HPSE2: variants seen among roughly 807,000 people sequenced by gnomAD.
The protein encoded by HPSE2 is heparanase 2 (inactive), also known as inactive heparanase-2.
HPSE2 carries 38 observed loss-of-function variants against 60.5 expected under a neutral mutation model. The ratio of observed to expected loss-of-function variants is 0.63; its 90% CI spans 0.48 to 0.82. The LOEUF (loss-of-function observed/expected upper bound fraction) is 0.82, where lower values mean the gene tolerates loss of function less well. Among genes scored for constraint, HPSE2 ranks in the 40% least tolerant of loss-of-function variants. HPSE2 has a pLI of 0.00. For missense variants in HPSE2, 713 were observed against 740.4 expected (o/e 0.96, Z 0.43); for synonymous variants, 295 against 293.2 (o/e 1.01, Z -0.06).
At chr10:98,977,943 A>C (rs1252247623) in intron 3 of HPSE2, among the ~76,000 whole-genome samples, 1 of 109,814 alleles carries the variant, frequency 9.1e-6, no homozygotes, top group Admixed American at 9.2e-5. Flanking sequence ...CATATATTTT[A>C]TATACCCATG....
chr10:99,013,116 C>T (rs1474657761), intron 3 of HPSE2: 11 of 659,828 alleles, frequency 1.7e-5, no homozygotes, highest in Middle Eastern at 9.0e-4. Flanking sequence ...AATCTTAAGT[C>T]GTGACATTAA....
intron 9 of HPSE2, among the ~76,000 whole-genome samples, chr10:98,584,724 C>T (rs10883142): frequency 0.55 from 84,291 of 152,010 alleles, 23,594 homozygotes; most frequent in Admixed American, 0.6. Context: ...TAAGATGCTA[C>T]CAAGAGTCTG....
intron 3 of HPSE2, among the ~76,000 whole-genome samples, chr10:98,798,424 A>C (rs973344156): frequency 6.6e-6 from 1 of 152,214 alleles, no homozygotes; most frequent in African/African-American, 2.4e-5. Flanking sequence ...ACACATGAAA[A>C]CATAGCATAT....
At chr10:99,160,898 CAAAAAAAAA>C (rs60506210) in intron 2 of HPSE2, among the ~76,000 whole-genome samples, 1 of 55,424 alleles carries the variant, frequency 1.8e-5, no homozygotes, top group Non-Finnish European at 3.0e-5. Context: ...GACTCCGTCT[CAAAAAAAAA>C]AAAAAAAAAA....
At chr10:98,512,457 T>G (rs903241025) in intron 9 of HPSE2, among the ~76,000 whole-genome samples, 1 of 151,762 alleles carries the variant, frequency 6.6e-6, no homozygotes, top group African/African-American at 2.4e-5. Flanking sequence ...TGGTAGCGGG[T>G]GCCTGTAGTC....
At chr10:99,024,699 G>A (rs1006844606) in intron 3 of HPSE2, among the ~76,000 whole-genome samples, 5 of 151,868 alleles carry the variant, frequency 3.3e-5, no homozygotes, top group African/African-American at 9.7e-5. Flanking sequence ...AATAATATAC[G>A]ACATGTCTAA....
At chr10:98,638,291 A>G (rs888946160) in intron 7 of HPSE2, among the ~76,000 whole-genome samples, 1 of 151,206 alleles carries the variant, frequency 6.6e-6, no homozygotes, top group African/African-American at 2.4e-5. Flanking sequence ...TAAAAATACA[A>G]AAAATCAGCC....
At chr10:99,180,435 T>C (rs1171616136) in intron 2 of HPSE2, among the ~76,000 whole-genome samples, 1 of 151,726 alleles carries the variant, frequency 6.6e-6, no homozygotes, top group African/African-American at 2.4e-5. Context: ...CATCAAACAG[T>C]GGGTGAAGGA....
intron 2 of HPSE2, among the ~76,000 whole-genome samples, chr10:99,227,802 T>C (rs1445217682): frequency 6.7e-6 from 1 of 148,530 alleles, no homozygotes; most frequent in Non-Finnish European, 1.5e-5. Context: ...AAAGGTAAAA[T>C]ATATATATAT....
the HPSE2 span, among the ~76,000 whole-genome samples, chr10:99,265,416 C>T: frequency 6.6e-6 from 1 of 152,122 alleles, no homozygotes; most frequent in Non-Finnish European, 1.5e-5. Flanking sequence ...AGGGAAATGA[C>T]ACACATTGGG....
intron 1 of HPSE2, among the ~76,000 whole-genome samples, chr10:99,235,126 A>ACC (rs1564913384): frequency 6.6e-6 from 1 of 151,310 alleles, no homozygotes; most frequent in Non-Finnish European, 1.5e-5. Context: ...ACACACACAC[A>ACC]CATACCCATT....
intron 5 of HPSE2, among the ~76,000 whole-genome samples, chr10:98,698,574 A>T (rs1470367238): frequency 6.6e-6 from 1 of 152,176 alleles, no homozygotes; most frequent in Non-Finnish European, 1.5e-5. Flanking sequence ...CATCCCAATT[A>T]AAAGAACTAG....
At chr10:98,809,239 T>C (rs2134562453) in intron 3 of HPSE2, among the ~76,000 whole-genome samples, 1 of 152,262 alleles carries the variant, frequency 6.6e-6, no homozygotes, top group East Asian at 1.9e-4. Context: ...AGGGTAAGTG[T>C]ATTGATGAAA....
intron 10 of HPSE2, among the ~76,000 whole-genome samples, chr10:98,485,047 G>A (rs370623901): frequency 5.2e-4 from 79 of 152,234 alleles, no homozygotes; most frequent in African/African-American, 1.8e-3. Context: ...TCCATCCTGG[G>A]TCACTCACCT....
At chr10:98,760,931 T>TTCACCA (rs1238140410) in intron 3 of HPSE2, among the ~76,000 whole-genome samples, 1 of 152,140 alleles carries the variant, frequency 6.6e-6, no homozygotes, top group Non-Finnish European at 1.5e-5. Context: ...AGTTCACTTG[T>TTCACCA]GAATCCATCT....
chr10:98,990,025 C>T lies in HPSE2; in HGVS notation c.610+154213G>A, dbSNP rs540783561. Among the ~76,000 whole-genome samples the T allele has an allele frequency of 8.5e-5, 13 of 152,066 alleles. No individual in the cohort carries two copies. In the East Asian group the frequency reaches 1.4e-3, roughly 16 times the overall value. ...ACAAGTGCACAGTGTTAGAAAGAGG[C>T]GCAAACAAAAGAAGTAAAAAAAGTA... is the stretch of plus-strand genomic sequence containing the variant. On this transcript the variant is annotated intron_variant, in intron 3 of 11. Transcript: ENST00000370552.
At chr10:99,229,175 A>T (rs1564908950) in intron 2 of HPSE2, among the ~76,000 whole-genome samples, 1 of 141,884 alleles carries the variant, frequency 7.0e-6, no homozygotes, top group African/African-American at 2.6e-5. Context: ...TCCATATCGA[A>T]AAAAAAAAAA....
At chr10:98,647,687 C>G (rs1946810162) in intron 6 of HPSE2, among the ~76,000 whole-genome samples, 1 of 152,216 alleles carries the variant, frequency 6.6e-6, no homozygotes, top group Non-Finnish European at 1.5e-5. Context: ...GCACTTGCCC[C>G]TCCTCCAAAG....
At chr10:99,182,913 G>A (rs545929531) in intron 2 of HPSE2, among the ~76,000 whole-genome samples, 9 of 152,006 alleles carry the variant, frequency 5.9e-5, no homozygotes, top group African/African-American at 1.9e-4. Context: ...GGAGAATGGC[G>A]TGAACCCGGG....
Sources: gnomAD v4.1 joint callset for allele counts (sites outside exome capture counted in the v4.1 genomes callset) on GRCh38, gnomAD v4.1.1 for gene constraint, MANE v1.5 for transcripts, NCBI Gene and HGNC (gene_info 2026-07-23, HGNC 2026-07-21) for gene names.